Variants in MAF observed in about 807,000 individuals in gnomAD.
MAF encodes the protein transcription factor Maf.
Under a neutral mutation model 22.0 loss-of-function variants are expected in MAF, and 10 were observed. The ratio of observed to expected loss-of-function variants is 0.45; its 90% CI spans 0.28 to 0.77. The LOEUF is 0.77. MAF is among the 30% of genes least tolerant of loss of function. MAF has a pLI of 0.12. For missense variants in MAF, 544 were observed against 548.4 expected (o/e 0.99, Z 0.08); for synonymous variants, 337 against 255.8 (o/e 1.32, Z -3.03).
At chr16:79,462,176 G>A in the MAF span, among the ~76,000 whole-genome samples, 1 of 152,156 alleles carries the variant, frequency 6.6e-6, no homozygotes, top group African/African-American at 2.4e-5. Flanking sequence ...GGCCACAATG[G>A]CTAACCGTTG....
At chr16:79,415,860 G>A in the MAF span, among the ~76,000 whole-genome samples, 23 of 151,946 alleles carry the variant, frequency 1.5e-4, no homozygotes, top group African/African-American at 5.6e-4. Flanking sequence ...CAAACCCCTT[G>A]ACAAATCTCA....
At chr16:79,485,154 T>A in the MAF span, among the ~76,000 whole-genome samples, 1 of 152,188 alleles carries the variant, frequency 6.6e-6, no homozygotes, top group Non-Finnish European at 1.5e-5. Flanking sequence ...GGAACAGTGA[T>A]CTCTTTAAAG....
the MAF span, among the ~76,000 whole-genome samples, chr16:79,277,322 G>A: frequency 2.0e-5 from 3 of 152,170 alleles, no homozygotes; most frequent in Non-Finnish European, 4.4e-5. Flanking sequence ...TTTGGGGGGT[G>A]CCCATTCCAC....
the MAF span, among the ~76,000 whole-genome samples, chr16:79,524,033 G>A: frequency 6.6e-6 from 1 of 152,158 alleles, no homozygotes; most frequent in Non-Finnish European, 1.5e-5. Context: ...ACCTCTCCCG[G>A]AGATATCTGG....
the MAF span, among the ~76,000 whole-genome samples, chr16:79,478,492 T>C: frequency 3.9e-5 from 6 of 152,132 alleles, no homozygotes; most frequent in Non-Finnish European, 8.8e-5. Context: ...CCACAATCAC[T>C]AGCAGTGGGA....
the MAF span, among the ~76,000 whole-genome samples, chr16:79,430,942 T>C: frequency 6.6e-6 from 1 of 152,240 alleles, no homozygotes; most frequent in African/African-American, 2.4e-5. Context: ...TGGGGAATTC[T>C]TCCTGGGAAC....
chr16:79,312,601 T>C, the MAF span, among the ~76,000 whole-genome samples: 2 of 152,206 alleles, frequency 1.3e-5, no homozygotes, highest in Non-Finnish European at 1.5e-5. Flanking sequence ...GCTCTTACAG[T>C]GTAAGGCCTG....
the MAF span, among the ~76,000 whole-genome samples, chr16:79,240,037 G>A: frequency 7.2e-5 from 11 of 151,904 alleles, no homozygotes; most frequent in African/African-American, 1.2e-4. Flanking sequence ...TATCAAGGTG[G>A]GCACATGGCT....
the MAF span, among the ~76,000 whole-genome samples, chr16:79,337,387 C>T: frequency 7.9e-5 from 12 of 152,076 alleles, no homozygotes; most frequent in Middle Eastern, 3.4e-3. Context: ...CTGGCCAGTA[C>T]GGTGAAATTC....
the MAF span, among the ~76,000 whole-genome samples, chr16:79,404,664 A>G: frequency 6.6e-6 from 1 of 151,230 alleles, no homozygotes; most frequent in East Asian, 1.9e-4. Context: ...CCTGAATACT[A>G]CTTATTCTTA....
At chr16:79,431,537 T>C in the MAF span, among the ~76,000 whole-genome samples, 1 of 152,234 alleles carries the variant, frequency 6.6e-6, no homozygotes, top group Admixed American at 6.5e-5. Context: ...AATCATTTCA[T>C]CTCTTTGGGT....
chr16:79,257,085 G>C, the MAF span, among the ~76,000 whole-genome samples: 2 of 152,154 alleles, frequency 1.3e-5, no homozygotes, highest in East Asian at 1.9e-4. Flanking sequence ...GCTGAGGCAA[G>C]AGAATTGCTT....
At chr16:79,495,263 A>C in the MAF span, among the ~76,000 whole-genome samples, 1 of 152,102 alleles carries the variant, frequency 6.6e-6, no homozygotes, top group Non-Finnish European at 1.5e-5. Flanking sequence ...GCAGTTGGAG[A>C]CCAGCCTAGA....
the MAF span, among the ~76,000 whole-genome samples, chr16:79,394,278 T>C: frequency 6.6e-6 from 1 of 152,144 alleles, no homozygotes; most frequent in African/African-American, 2.4e-5. Context: ...GGCAGCTTGA[T>C]TGGATCTCTA....
the MAF span, chr16:79,212,291 T>A: frequency 9.4e-7 from 1 of 1,061,690 alleles, no homozygotes; most frequent in Non-Finnish European, 1.3e-6. Context: ...CTGAGCCAGC[T>A]TAGCAACTGC....
the MAF span, among the ~76,000 whole-genome samples, chr16:79,477,097 T>A: frequency 1.3e-5 from 2 of 152,172 alleles, no homozygotes; most frequent in Admixed American, 6.5e-5. Flanking sequence ...GGAACAAGGA[T>A]GCTAGCAAAG....
the MAF span, among the ~76,000 whole-genome samples, chr16:79,209,323 T>C: frequency 6.6e-6 from 1 of 152,204 alleles, no homozygotes; most frequent in Non-Finnish European, 1.5e-5. Flanking sequence ...ACCATTCCAG[T>C]AATGCAAGAG....
the MAF span, among the ~76,000 whole-genome samples, chr16:79,334,733 G>A: frequency 3.3e-5 from 5 of 152,120 alleles, no homozygotes; most frequent in African/African-American, 9.7e-5. Context: ...CTGAGCACTC[G>A]AGGTTAGTGC....
the MAF span, among the ~76,000 whole-genome samples, chr16:79,533,338 C>T: frequency 6.6e-6 from 1 of 152,134 alleles, no homozygotes; most frequent in Admixed American, 6.6e-5. Context: ...CCACCCACCC[C>T]ACTCCTTTTC....
Sources: allele counts gnomAD v4.1 joint callset (sites outside exome capture counted in the v4.1 genomes callset), GRCh38; gene constraint gnomAD v4.1.1; transcripts MANE v1.5; gene names NCBI Gene and HGNC (gene_info 2026-07-23, HGNC 2026-07-21).